Variants in TCF7 observed in about 807,000 individuals in gnomAD.
TCF7 encodes the protein T-cell-factor-7.
Under a neutral mutation model 46.8 loss-of-function variants are expected in TCF7, and 19 were observed. That is an observed-to-expected ratio of 0.41 (90% CI 0.28 to 0.60). TCF7 has a LOEUF of 0.60. TCF7 is among the 20% of genes least tolerant of loss of function. The pLI, the probability that TCF7 is intolerant of heterozygous loss-of-function variation, is 0.35. For missense variants in TCF7, 547 were observed against 504.6 expected, an observed-to-expected ratio of 1.08 and a Z score of -0.81; for synonymous variants, 245 against 213.4, an observed-to-expected ratio of 1.15 and a Z score of -1.29.
intron 3 of TCF7, among the ~76,000 whole-genome samples, chr5:134,128,447 T>C (rs142396981): frequency 1.3e-5 from 2 of 151,976 alleles, no homozygotes; most frequent in Non-Finnish European, 2.9e-5. Flanking sequence ...TTTGGATAAA[T>C]GGCTAGACAG....
the TCF7 span, among the ~76,000 whole-genome samples, chr5:134,109,146 T>C: frequency 1.3e-5 from 2 of 152,172 alleles, no homozygotes; most frequent in Non-Finnish European, 2.9e-5. Flanking sequence ...CATCCTTCCA[T>C]TCAGCCATCC....
rs376044135 is a variant in TCF7, at chr5:134,142,172, T to C, written c.636-13T>C. On this transcript the variant is annotated splice_polypyrimidine_tract_variant and intron_variant, in intron 5 of 9. Transcript: ENST00000342854. The stretch of plus-strand genomic sequence containing the variant: ...AATTCTTGGCTCAGTGTTAACTTTC[T>C]TCCTGCCTCCAGGTTCACCCACCCA... 3.7e-6 allele frequency: 6 copies of C among 1,613,924 alleles called. No individual in the cohort carries two copies. The African/African-American group carries it at 8.0e-5, about 22-fold the overall frequency.
At chr5:134,124,280 G>A (rs1332434289) in intron 3 of TCF7, among the ~76,000 whole-genome samples, 1 of 152,202 alleles carries the variant, frequency 6.6e-6, no homozygotes, top group Non-Finnish European at 1.5e-5. Context: ...TTGGGGTCTG[G>A]ACCTGGGAAA....
intron 3 of TCF7, among the ~76,000 whole-genome samples, chr5:134,127,559 G>A (rs746139294): frequency 3.3e-5 from 5 of 152,334 alleles, no homozygotes; most frequent in South Asian, 4.1e-4. Context: ...GGTTTCCTAG[G>A]CTCTGAGTCA....
At chr5:134,137,636 A>T (rs1759089257) in intron 3 of TCF7, among the ~76,000 whole-genome samples, 1 of 152,138 alleles carries the variant, frequency 6.6e-6, no homozygotes, top group African/African-American at 2.4e-5. Flanking sequence ...CAGAATCCCC[A>T]GACTGGGGGC....
rs1293906963 is a variant in TCF7 at position 134,115,937 on chromosome 5, C to T, written c.345C>T (p.Gly115=). The T allele has an allele frequency of 1.2e-6, 2 of 1,614,016 alleles. No homozygotes were observed. Among genetic ancestry groups the T allele is most frequent in the Non-Finnish European group, 1.7e-6 (2 of 1,180,020 alleles). ...DGLKAPECTS[G]MYKETVYSAF... The stretch of plus-strand genomic sequence containing the variant: ...TGAAGGCCCCGGAGTGCACCAGCGG[C>T]ATGTACAAAGAGACCGTCTACTCCG... The change falls in exon 3 of 10, where the codon GGC becomes GGT. Residue 115 remains glycine, a synonymous_variant. Transcript: ENST00000342854.
intron 9 of TCF7, 198 bp from the exon 10 acceptor site, chr5:134,146,026 G>C (rs1398009420): frequency 5.9e-6 from 9 of 1,515,490 alleles, no homozygotes; most frequent in East Asian, 2.3e-5. Context: ...CCTTGTGGCT[G>C]TTCTGGGAAC....
intron 3 of TCF7, among the ~76,000 whole-genome samples, chr5:134,124,764 G>T (rs879013439): frequency 6.6e-6 from 1 of 152,190 alleles, no homozygotes; most frequent in Non-Finnish European, 1.5e-5. Flanking sequence ...ATGAGTGTGC[G>T]GCAGAGGCTC....
chr5:134,111,553 C>T (rs1755331504), upstream of TCF7, among the ~76,000 whole-genome samples: 1 of 152,146 alleles, frequency 6.6e-6, no homozygotes, highest in African/African-American at 2.4e-5. Flanking sequence ...ATGGTACACA[C>T]TGAGATCTGT....
intron 6 of TCF7, 46 bp downstream of exon 6, chr5:134,142,350 C>T: frequency 3.3e-6 from 5 of 1,535,954 alleles, no homozygotes; most frequent in South Asian, 2.5e-5. Context: ...AGTCAGGATA[C>T]ACATGCCTCC....
chr5:134,146,299 T>G lies in TCF7; in HGVS notation c.1151T>G (p.Leu384Arg), dbSNP rs1426539523. ...GCCCCGTTCCTTCCGATGACAGTGC[T>G]CTAGGCTGCCCCGGGTCCCCAGCTC... ...APAPFLPMTVL is the reference protein window; with the variant it reads ...APAPFLPMTVR Residue 384 changes from leucine to arginine, a missense_variant, in exon 10 of 10, where the codon CTC (leucine) becomes CGC (arginine). Physicochemically the swap from Leu to Arg is moderately radical, Grantham distance 102. This residue lies in a region of TCF7 where 90 missense variants were observed against 88.8 expected (regional missense o/e 1.01). Transcript: ENST00000342854. 6.2e-7 allele frequency: 1 copy of G among 1,614,162 alleles called. No homozygotes were observed. Among genetic ancestry groups the G allele is most frequent in the African/African-American group, 1.3e-5 (1 of 75,036 alleles).
At chr5:134,133,041 T>C (rs1758368105) in intron 3 of TCF7, among the ~76,000 whole-genome samples, 1 of 152,134 alleles carries the variant, frequency 6.6e-6, no homozygotes, top group Non-Finnish European at 1.5e-5. Context: ...GAAGGACCAC[T>C]TTTGCTGGGA....
rs182366907 is a variant in TCF7, at chr5:134,146,373, T to C, written c.*70T>C. 1,593 of 1,578,968 alleles carry C rather than the reference T, an allele frequency of 1.0e-3. 17 individuals are homozygous for C. The African/African-American group carries it at 0.018, about 18-fold the overall frequency. On this transcript the variant is annotated 3_prime_UTR_variant, in exon 10 of 10. Coordinates refer to ENST00000342854, the MANE Select transcript of TCF7 (RefSeq NM_003202.5). ...CTGCTGCCCCGCTTCCCCACAGAAC[T>C]GCTTACTAGCCCTGCGGAGCCGGCA...
Position 134,118,662 on chromosome 5 carries a change from GA to G in TCF7, c.441+2631del, listed in dbSNP as rs146763657. Among the ~76,000 whole-genome samples the G allele has an allele frequency of 9.6e-3, 1,466 of 152,172 alleles. 26 individuals are homozygous for G. The highest frequency in any genetic ancestry group is 0.033 in the African/African-American group (1,386 of 41,502). ...TTGGCTTCTTTTAAGCTTGTTTGAG[GA>G]AGAAAAAATTAGGTCAAAGTTTATT... On this transcript the variant is annotated intron_variant, in intron 3 of 9. Transcript: ENST00000342854.
chr5:134,112,668 A>C (rs1389810493), upstream of TCF7, among the ~76,000 whole-genome samples: 1 of 152,234 alleles, frequency 6.6e-6, no homozygotes, highest in African/African-American at 2.4e-5. Context: ...GACATGAAAA[A>C]AAACACTTGT....
intron 9 of TCF7, chr5:134,144,766 T>G (rs756603729): frequency 5.0e-6 from 8 of 1,600,754 alleles, no homozygotes; most frequent in Non-Finnish European, 6.9e-6. Flanking sequence ...CCCTCTGCCC[T>G]GCTCTACCCC....
Position 134,142,276 on chromosome 5 carries a change from C to A in TCF7, c.727C>A (p.Gln243Lys). 6.3e-7 allele frequency: 1 copy of A among 1,598,504 alleles called. No individual in the cohort carries two copies. ...HPAIVPPSGKQELQPFDRNLK... is the reference protein window; with the variant it reads ...HPAIVPPSGKKELQPFDRNLK... ...GGCCATTGTGCCCCCCTCAGGGAAG[C>A]AGGAGCTGCAGCCCTTCGACCGCAA... is the stretch of plus-strand genomic sequence containing the variant. The change falls in exon 6 of 10, where the codon CAG becomes AAG. Residue 243 changes from glutamine (Q) to lysine (K), a missense_variant. By Grantham distance (53) the Gln-to-Lys change is moderately conservative. Around this residue, in one of 3 missense-constraint regions of TCF7, gnomAD observed 425 missense variants for 349.9 expected, o/e 1.21. Transcript: ENST00000342854.
chr5:134,142,576 C>T (rs1759997457), intron 6 of TCF7, 145 bp from the exon 7 acceptor site: 1 of 1,126,242 alleles, frequency 8.9e-7, no homozygotes, highest in African/African-American at 1.6e-5. Context: ...TCTGCTCACC[C>T]ATTTGGGGGC....
intron 3 of TCF7, among the ~76,000 whole-genome samples, chr5:134,132,887 C>G (rs1758344830): frequency 6.6e-6 from 1 of 152,148 alleles, no homozygotes; most frequent in African/African-American, 2.4e-5. Context: ...GTCTGGTAAA[C>G]AAGAAGGCAC....
Sources: gnomAD v4.1 joint callset for allele counts (sites outside exome capture counted in the v4.1 genomes callset) on GRCh38, gnomAD v4.1.1 for gene constraint, gnomAD v4.1.1 regional missense constraint, MANE v1.5 for transcripts, NCBI Gene and HGNC (gene_info 2026-07-23, HGNC 2026-07-21) for gene names.